SNX24: variants seen among roughly 807,000 people sequenced by gnomAD.
The protein encoded by SNX24 is sorting nexin 24.
A neutral mutation model predicts 28.7 loss-of-function variants in SNX24; 22 were observed. The ratio of observed to expected loss-of-function variants is 0.77; its 90% confidence interval spans 0.55 to 1.10. The LOEUF (loss-of-function observed/expected upper bound fraction) is 1.10, where lower values mean the gene tolerates loss of function less well. Among genes scored for constraint, SNX24 ranks in the 50% least tolerant of loss-of-function variants. The pLI, the probability that SNX24 is intolerant of heterozygous loss-of-function variation, is 0.00. For synonymous variants in SNX24, 69 were observed against 71.5 expected (o/e 0.96, Z 0.18); for missense variants, 221 against 201.1 (o/e 1.10, Z -0.60).
At chr5:122,898,626 T>C (rs1183569971) in intron 1 of SNX24, among the ~76,000 whole-genome samples, 1 of 152,150 alleles carries the variant, frequency 6.6e-6, no homozygotes, top group African/African-American at 2.4e-5. Flanking sequence ...TGTAGGGCTT[T>C]AGCTGAATCA....
chr5:122,916,811 G>A (rs905394983), intron 1 of SNX24, among the ~76,000 whole-genome samples: 15 of 152,118 alleles, frequency 9.9e-5, no homozygotes, highest in African/African-American at 3.6e-4. Context: ...CCTTATCGGG[G>A]GGTGTGATTT....
At chr5:122,968,943 T>C (rs1008933781) in intron 3 of SNX24, among the ~76,000 whole-genome samples, 9 of 152,074 alleles carry the variant, frequency 5.9e-5, no homozygotes, top group Non-Finnish European at 1.5e-5. Context: ...ATGCACTAAA[T>C]ATGCTAAATA....
downstream of SNX24, among the ~76,000 whole-genome samples, chr5:123,013,878 TA>T (rs1762636433): frequency 5.9e-5 from 9 of 152,246 alleles, no homozygotes; most frequent in South Asian, 1.7e-3. Context: ...CTTTACAGAG[TA>T]GTTTTTAGTG....
chr5:122,884,262 T>C (rs919533993), intron 1 of SNX24, among the ~76,000 whole-genome samples: 2 of 145,952 alleles, frequency 1.4e-5, no homozygotes, highest in African/African-American at 5.1e-5. Context: ...TTTTTTTTTT[T>C]TTTTTTTTTC....
intron 1 of SNX24, among the ~76,000 whole-genome samples, chr5:122,907,887 G>GT (rs1276708531): frequency 6.6e-6 from 1 of 151,014 alleles, no homozygotes; most frequent in African/African-American, 2.4e-5. Flanking sequence ...TCACTGAATG[G>GT]TAATTTTTTT....
At chr5:122,958,488 A>G (rs1760317598) in intron 3 of SNX24, among the ~76,000 whole-genome samples, 1 of 152,114 alleles carries the variant, frequency 6.6e-6, no homozygotes, top group African/African-American at 2.4e-5. Flanking sequence ...TCTTGATCTC[A>G]GGTGATCCAC....
intron 3 of SNX24, among the ~76,000 whole-genome samples, chr5:122,959,814 C>T (rs749257344): frequency 1.3e-5 from 2 of 151,928 alleles, no homozygotes; most frequent in Admixed American, 6.6e-5. Context: ...TGGACACACA[C>T]GAGGAGTTAG....
At chr5:122,935,422 A>G (rs1259694611) in intron 1 of SNX24, among the ~76,000 whole-genome samples, 1 of 152,180 alleles carries the variant, frequency 6.6e-6, no homozygotes, top group Non-Finnish European at 1.5e-5. Flanking sequence ...GCATATGCAT[A>G]TGGTTTTAGA....
chr5:122,917,347 C>T (rs1250581412), intron 1 of SNX24, among the ~76,000 whole-genome samples: 1 of 152,104 alleles, frequency 6.6e-6, no homozygotes, highest in African/African-American at 2.4e-5. Flanking sequence ...TGGCCCTGCT[C>T]TGGTTTCTCC....
chr5:122,983,610 TTTG>T (rs895803775), intron 3 of SNX24, among the ~76,000 whole-genome samples: 4 of 152,118 alleles, frequency 2.6e-5, no homozygotes, highest in Non-Finnish European at 2.9e-5. Flanking sequence ...GTGAAAAATT[TTTG>T]TTGTTGTTGA....
chr5:122,906,057 C>G (rs1255731726), intron 1 of SNX24, among the ~76,000 whole-genome samples: 1 of 152,208 alleles, frequency 6.6e-6, no homozygotes, highest in Non-Finnish European at 1.5e-5. Context: ...CAGGTATATA[C>G]AGAGAGCTCT....
At chr5:122,900,097 G>A (rs528113245) in intron 1 of SNX24, among the ~76,000 whole-genome samples, 1 of 151,820 alleles carries the variant, frequency 6.6e-6, no homozygotes, top group South Asian at 2.1e-4. Flanking sequence ...AGGGATCACT[G>A]CTGCCTTGAA....
intron 3 of SNX24, among the ~76,000 whole-genome samples, chr5:122,960,367 C>G (rs1272601970): frequency 6.6e-6 from 1 of 152,162 alleles, no homozygotes; most frequent in African/African-American, 2.4e-5. Context: ...GTTTGTAGCA[C>G]TAAACTACAA....
rs544499455 is a variant in SNX24, at chr5:122,881,305, T to C, written c.60+35612T>C. 1.0e-3 allele frequency among the ~76,000 whole-genome samples: 155 copies of C among 152,348 alleles called. 1 individual carries two copies. The highest frequency in any genetic ancestry group is 3.6e-3 in the African/African-American group (148 of 41,590). On this transcript the variant is annotated intron_variant, in intron 1 of 6. Transcript: ENST00000261369. ...TAAAATAGTTGCCTTTTTAGAGATA[T>C]ATTACTGACAGTATACTTACTCAAC...
At position 122,873,207 on chromosome 5, in the gene SNX24, T is replaced by C. The variant is rs138069053; in HGVS notation, c.60+27514T>C. 2.2e-3 allele frequency among the ~76,000 whole-genome samples: 330 copies of C among 152,208 alleles called. 1 individual carries two copies. Among genetic ancestry groups the C allele is most frequent in the African/African-American group, 7.8e-3 (322 of 41,536 alleles). On this transcript the variant is annotated intron_variant, in intron 1 of 6. Transcript: ENST00000261369. The stretch of plus-strand genomic sequence containing the variant: ...CCTGGGTGGTCTCAAACTCCCGGGC[T>C]TGAGTAATCTGCCTACCTCAGCCTA...
chr5:122,886,533 G>A (rs987927055), intron 1 of SNX24, among the ~76,000 whole-genome samples: 3 of 151,950 alleles, frequency 2.0e-5, no homozygotes, highest in African/African-American at 7.3e-5. Context: ...AAATTATTCG[G>A]GCCGGGCGCA....
chr5:122,879,115 C>T (rs964843216), intron 1 of SNX24, among the ~76,000 whole-genome samples: 2 of 152,014 alleles, frequency 1.3e-5, no homozygotes, highest in Non-Finnish European at 2.9e-5. Context: ...ATTATTCTAA[C>T]ATGTAATCTG....
chr5:122,938,721 ACGAGGTCAGG>A (rs1759295161), intron 2 of SNX24, among the ~76,000 whole-genome samples: 1 of 10,434 alleles, frequency 9.6e-5, no homozygotes, highest in African/African-American at 1.6e-3. Context: ...CGGGCGGATC[ACGAGGTCAGG>A]AGATCGAGAC....
chr5:122,854,936 T>C lies in SNX24; in HGVS notation c.60+9243T>C, dbSNP rs145881948. Among the ~76,000 whole-genome samples the C allele has an allele frequency of 5.6e-3, 860 of 152,376 alleles. 5 individuals are homozygous for C. The highest frequency in any genetic ancestry group is 8.7e-3 in the Non-Finnish European group (592 of 68,034). On this transcript the variant is annotated intron_variant, in intron 1 of 6. Transcript: ENST00000261369. Reference sequence around the variant, plus strand: ...AAATGTACATACCTTAATTAAAAAGTATTTTATTGCTAAAAACTCTAATGA... The same window carrying C: ...AAATGTACATACCTTAATTAAAAAGCATTTTATTGCTAAAAACTCTAATGA...
Sources: allele counts gnomAD v4.1 joint callset (sites outside exome capture counted in the v4.1 genomes callset), GRCh38; gene constraint gnomAD v4.1.1; transcripts MANE v1.5; gene names NCBI Gene and HGNC (gene_info 2026-07-23, HGNC 2026-07-21).